The following NIBAN3 variants were observed in gnomAD, a reference collection of about 807,000 sequenced individuals.
NIBAN3 encodes the protein protein Niban 3.
In NIBAN3, 66 loss-of-function variants were observed where a neutral mutation model predicts 76.4. The ratio of observed to expected loss-of-function variants is 0.86; its 90% CI spans 0.71 to 1.06. NIBAN3 has a LOEUF of 1.06. Ranked by LOEUF, NIBAN3 falls within the 50% of genes least tolerant of loss-of-function variation. The pLI, the probability that NIBAN3 is intolerant of heterozygous loss-of-function variation, is 0.00. For missense variants in NIBAN3, 808 were observed against 810.7 expected (o/e 1.00, Z 0.04); for synonymous variants, 360 against 355.2 (o/e 1.01, Z -0.15).
chr19:17,536,660 CT>C (rs2075829597), intron 4 of NIBAN3, among the ~76,000 whole-genome samples: 1 of 152,236 alleles, frequency 6.6e-6, no homozygotes, highest in Non-Finnish European at 1.5e-5. Context: ...CCACTTCAGC[CT>C]CCAAAGGTGC....
Position 17,537,488 on chromosome 19 carries a change from GGCA to G in NIBAN3, c.541_543del (p.Ala181del). 1.9e-6 allele frequency: 3 copies of G among 1,612,610 alleles called. No individual in the cohort carries two copies. Among genetic ancestry groups the G allele is most frequent in the Non-Finnish European group, 2.5e-6 (3 of 1,179,962 alleles). On this transcript the variant is annotated inframe_deletion, in exon 5 of 15. Coordinates refer to ENST00000599164, the MANE Select transcript of NIBAN3 (RefSeq NM_001321827.2). ...TCTGCTTCTCTGCAGCCACCAGGGA[GGCA>G]CAGCATGCCTGGAGGCTGGCCCTGC...
In NIBAN3 at chr19:17,553,597, A is replaced by G. The variant is rs900901463; in HGVS notation, c.*1699A>G. Reference sequence around the variant, plus strand: ...TGACCTTTCCACCTATTTCCCTCCAACCCCACCTTCCGAAATACATTTGCT... The same window carrying G: ...TGACCTTTCCACCTATTTCCCTCCAGCCCCACCTTCCGAAATACATTTGCT... On this transcript the variant is annotated 3_prime_UTR_variant, in exon 15 of 15. Coordinates refer to ENST00000599164, the MANE Select transcript of NIBAN3 (RefSeq NM_001321827.2). 5 of 1,572,072 alleles carry G rather than the reference A, an allele frequency of 3.2e-6. No homozygotes were observed. The highest frequency in any genetic ancestry group is 4.4e-6 in the Non-Finnish European group (5 of 1,142,914).
At chr19:17,532,191 G>T in intron 2 of NIBAN3, 72 bp from the exon 3 acceptor site, 1 of 1,533,430 alleles carries the variant, frequency 6.5e-7, no homozygotes. Flanking sequence ...GATACAGCGG[G>T]TGTCTGGGTG....
At chr19:17,532,117 C>T in intron 2 of NIBAN3, 146 bp from the exon 3 acceptor site, 1 of 1,119,396 alleles carries the variant, frequency 8.9e-7, no homozygotes, top group Non-Finnish European at 1.2e-6. Context: ...GACACAGAGC[C>T]CCTTCCTGCC....
Position 17,553,466 on chromosome 19 carries a change from G to A in NIBAN3, c.*1568G>A, listed in dbSNP as rs200699370. 3 of 1,614,142 alleles carry A rather than the reference G, an allele frequency of 1.9e-6. No homozygotes were observed. The highest frequency in any genetic ancestry group is 2.2e-5 in the East Asian group (1 of 44,882). ...CGGAGTGGGTTCCACAGGGATTCCC[G>A]TGTGTTCTTGGTTCAGCTTGCAGAG... is the stretch of plus-strand genomic sequence containing the variant. On this transcript the variant is annotated 3_prime_UTR_variant, in exon 15 of 15. Transcript: ENST00000599164.
At chr19:17,546,353 C>T (rs561289989) in intron 12 of NIBAN3, 36 of 169,368 alleles carry the variant, frequency 2.1e-4, no homozygotes, top group Non-Finnish European at 3.4e-4. Flanking sequence ...GGTGGCTTGC[C>T]GCCCACAACC....
chr19:17,538,651 A>G lies in NIBAN3; in HGVS notation c.596-499A>G, dbSNP rs79145089. On this transcript the variant is annotated intron_variant, in intron 5 of 14. Coordinates refer to ENST00000599164, the MANE Select transcript of NIBAN3 (RefSeq NM_001321827.2). ...GAGAGAAAAGAAAAGAAAAGAGGAG[A>G]GAAGAGAACAGAAGAAAGAAAAGAA... 7.9e-3 allele frequency among the ~76,000 whole-genome samples: 1,200 copies of G among 151,546 alleles called. 12 individuals carry two copies. The highest frequency in any genetic ancestry group is 0.028 in the African/African-American group (1,164 of 41,324).
At chr19:17,523,747 C>T (rs1291577578), upstream of NIBAN3, among the ~76,000 whole-genome samples, 1 of 152,190 alleles carries the variant, frequency 6.6e-6, no homozygotes, top group East Asian at 1.9e-4. Context: ...CAACATCAGC[C>T]CCTCACTCAG....
chr19:17,535,856 A>G (rs954699827), intron 4 of NIBAN3, among the ~76,000 whole-genome samples: 4 of 152,062 alleles, frequency 2.6e-5, no homozygotes, highest in African/African-American at 9.7e-5. Flanking sequence ...GTGAGCTATG[A>G]TCACACCACT....
chr19:17,525,130 C>T (rs528098125), upstream of NIBAN3, among the ~76,000 whole-genome samples: 6 of 152,320 alleles, frequency 3.9e-5, no homozygotes, highest in African/African-American at 1.2e-4. Flanking sequence ...TCTGGACTTT[C>T]CTTCCTCCAG....
intron 2 of NIBAN3, 148 bp downstream of exon 2, chr19:17,531,033 G>C: frequency 4.0e-6 from 4 of 991,158 alleles, no homozygotes; most frequent in Non-Finnish European, 5.6e-6. Context: ...TCACTGAGCA[G>C]CCAAGCAAGG....
In NIBAN3 at chr19:17,549,434, C is replaced by T. The variant is rs1201784050; in HGVS notation, c.1667-10C>T. The stretch of plus-strand genomic sequence containing the variant: ...TCCCCAGGTGTGTCCAAGAGTTCAT[C>T]TCATTTCAGAATTGAAAAAGACCCT... On this transcript the variant is annotated splice_polypyrimidine_tract_variant and intron_variant, in intron 13 of 14. Transcript: ENST00000599164. 1 of 1,605,630 alleles carries T rather than the reference C, an allele frequency of 6.2e-7. No individual in the cohort carries two copies. Among genetic ancestry groups the T allele is most frequent in the African/African-American group, 1.3e-5 (1 of 74,764 alleles).
At chr19:17,547,416 A>G (rs1304998707) in intron 13 of NIBAN3, among the ~76,000 whole-genome samples, 11 of 111,406 alleles carry the variant, frequency 9.9e-5, no homozygotes, top group East Asian at 6.0e-4. Flanking sequence ...GTGCAGTGGA[A>G]CGATCTTGGC....
At chr19:17,538,665 G>T (rs2075870634) in intron 5 of NIBAN3, among the ~76,000 whole-genome samples, 1 of 142,586 alleles carries the variant, frequency 7.0e-6, no homozygotes, top group East Asian at 2.0e-4. Flanking sequence ...GAGAACAGAA[G>T]AAAGAAAAGA....
At chr19:17,525,789 G>T (rs1418322567), upstream of NIBAN3, among the ~76,000 whole-genome samples, 1 of 152,058 alleles carries the variant, frequency 6.6e-6, no homozygotes, top group Non-Finnish European at 1.5e-5. Context: ...GCTAAAGATG[G>T]GGTTTGGGCC....
rs753808147 is a variant in NIBAN3, at chr19:17,549,495, G to C, written c.1718G>C (p.Cys573Ser). The C allele has an allele frequency of 6.2e-7, 1 of 1,613,952 alleles. No individual in the cohort carries two copies. Among genetic ancestry groups the C allele is most frequent in the Admixed American group, 1.7e-5 (1 of 60,006 alleles). ...ANDVSCTLDG[C>S]LEVPWEQEGA... is the part of the protein sequence containing the mutation. ...GATGTATCCTGCACTCTGGACGGCT[G>C]CTTGGAGGTCCCATGGGAACAGGAG... Residue 573 changes from cysteine (C) to serine (S), a missense_variant, in exon 14 of 15, where the codon TGC becomes TCC. Cys to Ser is a moderately radical substitution (Grantham distance 112). Transcript: ENST00000599164.
intron 1 of NIBAN3, among the ~76,000 whole-genome samples, chr19:17,528,382 G>T (rs1045580375): frequency 5.3e-5 from 8 of 152,278 alleles, no homozygotes. Context: ...GTGAGCCACT[G>T]TGCCCAGAAG....
At chr19:17,539,321 G>C in intron 6 of NIBAN3, 26 bp from the exon 7 acceptor site, 1 of 1,552,084 alleles carries the variant, frequency 6.4e-7, no homozygotes, top group Non-Finnish European at 8.7e-7. Flanking sequence ...GGCCGACCGC[G>C]GCGCCCATGG....
chr19:17,532,204 C>T lies in NIBAN3; in HGVS notation c.187-59C>T, dbSNP rs558496772. 7.7e-5 allele frequency: 119 copies of T among 1,549,736 alleles called. No homozygotes were observed. In the East Asian group the frequency reaches 2.4e-3, roughly 31 times the overall value. ...AGGATACAGCGGGTGTCTGGGTGGT[C>T]GGGCCACAGGGACATCAGCCCACAG... On this transcript the variant is annotated intron_variant, in intron 2 of 14. Transcript: ENST00000599164.
Sources: allele counts gnomAD v4.1 joint callset (sites outside exome capture counted in the v4.1 genomes callset), GRCh38; gene constraint gnomAD v4.1.1; transcripts MANE v1.5; gene names NCBI Gene and HGNC (gene_info 2026-07-23, HGNC 2026-07-21).